METTL13: variants seen among roughly 807,000 people sequenced by gnomAD.
METTL13 encodes eEF1A lysine and N-terminal methyltransferase.
METTL13 carries 52 observed loss-of-function variants against 67.4 expected under a neutral mutation model. That is an observed-to-expected ratio of 0.77 (90% confidence interval 0.62 to 0.97). METTL13 has a LOEUF of 0.97. Among genes scored for constraint, METTL13 ranks in the 50% least tolerant of loss-of-function variants. The pLI, the probability that METTL13 is intolerant of heterozygous loss-of-function variation, is 0.00. For missense variants in METTL13, 825 were observed against 889.6 expected (o/e 0.93, Z 0.92); for synonymous variants, 354 against 353.6 (o/e 1.00, Z -0.01).
At chr1:171,792,680 T>C (rs12039185) in intron 6 of METTL13, among the ~76,000 whole-genome samples, 79,933 of 152,054 alleles carry the variant, frequency 0.53, 21,797 homozygotes, top group African/African-American at 0.67. Context: ...CCTCAGGGTC[T>C]GACATTTGGT....
rs987306698 is a variant in METTL13, at chr1:171,781,759, T to A, written c.-209T>A. 3 of 1,381,012 alleles carry A rather than the reference T, an allele frequency of 2.2e-6. No individual in the cohort carries two copies. Among genetic ancestry groups the A allele is most frequent in the Admixed American group, 3.1e-5 (1 of 32,460 alleles). 85.5% of individuals were successfully genotyped at this position (1,381,012 alleles called of 1,614,324 possible). A position where few individuals can be genotyped will look rare whatever the true frequency, so the allele number is the denominator to read the frequency against. On this transcript the variant is annotated 5_prime_UTR_variant, in exon 1 of 8. Transcript: ENST00000361735. Reference sequence around the variant, plus strand: ...GCAGGCGCGGAGGAGGGGGCAAGCGTGTGTGAGATTCAGTGGTCCATGCGT... The same window carrying A: ...GCAGGCGCGGAGGAGGGGGCAAGCGAGTGTGAGATTCAGTGGTCCATGCGT...
intron 6 of METTL13, among the ~76,000 whole-genome samples, chr1:171,792,995 G>A (rs927802464): frequency 6.6e-6 from 1 of 152,182 alleles, no homozygotes; most frequent in Non-Finnish European, 1.5e-5. Context: ...TAAAATACTA[G>A]GGACAGTAAC....
intron 4 of METTL13, 66 bp downstream of exon 4, chr1:171,787,996 C>G (rs1657082659): frequency 6.5e-7 from 1 of 1,540,034 alleles, no homozygotes; most frequent in African/African-American, 1.4e-5. Flanking sequence ...TTCTTGGGAG[C>G]TTGGCCGAGA....
At position 171,788,713 on chromosome 1, in the gene METTL13, G is replaced by A. The variant is rs148334214; in HGVS notation, c.1309+783G>A. ...TCACTTCAAAAGTCAAATATAGACCGCGAAAAGTGAATGCCCCTCACCTCT... is the reference window on the plus strand; with the variant it reads ...TCACTTCAAAAGTCAAATATAGACCACGAAAAGTGAATGCCCCTCACCTCT... On this transcript the variant is annotated intron_variant, in intron 4 of 7. Coordinates refer to ENST00000361735, the MANE Select transcript of METTL13 (RefSeq NM_015935.5). Among the ~76,000 whole-genome samples the A allele has an allele frequency of 6.3e-3, 956 of 152,294 alleles. 7 individuals carry two copies. The highest frequency in any genetic ancestry group is 0.018 in the African/African-American group (767 of 41,560).
chr1:171,796,691 C>A lies in METTL13; in HGVS notation c.2035C>A (p.Pro679Thr). ...AQALERTLRK[P>T]GRGWDDTYVL... ...GGCTTTGGAGCGGACCCTGAGGAAG[C>A]CTGGGAGGGGTTGGGATGACACGTA... Residue 679 changes from proline to threonine, a missense_variant, in exon 8 of 8, where the codon CCT (proline) becomes ACT (threonine). Pro to Thr is a conservative substitution (Grantham distance 38). Transcript: ENST00000361735. The A allele has an allele frequency of 6.2e-7, 1 of 1,614,188 alleles. No homozygotes were observed. The highest frequency in any genetic ancestry group is 8.5e-7 in the Non-Finnish European group (1 of 1,180,032).
At position 171,790,500 on chromosome 1, in the gene METTL13, C is replaced by T. The variant is rs752973393; in HGVS notation, c.1358C>T (p.Ala453Val). The T allele has an allele frequency of 6.8e-6, 11 of 1,610,690 alleles. No homozygotes were observed. Among genetic ancestry groups the T allele is most frequent in the East Asian group, 2.2e-5 (1 of 44,658 alleles). The stretch of plus-strand genomic sequence containing the variant: ...AGGAAGAAGCAGCGGCCTGCTGATG[C>T]GGAGGACCTCCCTGCAGCCCCGGGG... ...KDRKKQRPAD[A>V]EDLPAAPGQS... Residue 453 changes from alanine to valine, a missense_variant, in exon 5 of 8, where the codon GCG becomes GTG. Transcript: ENST00000361735.
At position 171,784,268 on chromosome 1, in the gene METTL13, C is replaced by T. The variant is rs766288742; in HGVS notation, c.682C>T (p.Gln228Ter). Residue 228 changes from glutamine (Q) to a stop codon, truncating the protein, a stop_gained, in exon 2 of 8, where the codon CAG (glutamine) becomes TAG (stop). Transcript: ENST00000361735. LOFTEE classifies it high-confidence loss of function. The part of the protein sequence containing the change: ...SALQIFELCA[Q>*]EQRKPVRLES... Reference sequence around the variant, plus strand: ...CCTTCAGATCTTTGAGCTGTGTGCTCAGGAGCAGCGCAAGCCTGTGCGGCT... The same window carrying T: ...CCTTCAGATCTTTGAGCTGTGTGCTTAGGAGCAGCGCAAGCCTGTGCGGCT... 5.6e-6 allele frequency: 9 copies of T among 1,613,870 alleles called. No individual in the cohort carries two copies. In the East Asian group the frequency reaches 8.9e-5, roughly 16 times the overall value.
intron 3 of METTL13, 107 bp from the exon 4 acceptor site, chr1:171,787,628 T>G (rs1194433028): frequency 8.8e-6 from 9 of 1,027,824 alleles, no homozygotes; most frequent in Non-Finnish European, 1.3e-5. Context: ...AGTTGTTGTC[T>G]AGAACCGTGG....
Position 171,785,926 on chromosome 1 carries a change from C to T in METTL13, c.961C>T (p.Arg321Trp), listed in dbSNP as rs1054416569. ...TEWLFGMDEG[R>W]KQLAASAGFR... ...GTGGCTCTTTGGCATGGATGAGGGC[C>T]GGAAACAGCTGGCGGCCAGTGCTGG... Residue 321 changes from arginine (R) to tryptophan (W), a missense_variant, in exon 3 of 8, where the codon CGG (arginine) becomes TGG (tryptophan). Transcript: ENST00000361735. 3.7e-6 allele frequency: 6 copies of T among 1,613,572 alleles called. No individual in the cohort carries two copies. Among genetic ancestry groups the T allele is most frequent in the South Asian group, 1.1e-5 (1 of 91,024 alleles).
rs1436380241 is a variant in METTL13 at position 171,786,016 on chromosome 1, C to T, written c.1051C>T (p.Gln351Ter). ...GQQYESMDHIQAELSARVMEL... is the reference protein window; with the variant it reads ...GQQYESMDHI Reference sequence around the variant, plus strand: ...GCAGTATGAAAGCATGGACCACATCCAAGCTGAGCTGTCGGCTAGAGTCAT... The same window carrying T: ...GCAGTATGAAAGCATGGACCACATCTAAGCTGAGCTGTCGGCTAGAGTCAT... Residue 351 changes from glutamine (Q) to a stop codon, truncating the protein, a stop_gained, in exon 3 of 8, where the codon CAA becomes TAA. Transcript: ENST00000361735. LOFTEE classifies it high-confidence loss of function. 2 of 1,613,980 alleles carry T rather than the reference C, an allele frequency of 1.2e-6. No homozygotes were observed. The highest frequency in any genetic ancestry group is 1.3e-5 in the African/African-American group (1 of 75,030).
At chr1:171,785,846 C>T in intron 2 of METTL13, 33 bp from the exon 3 acceptor site, 1 of 1,605,516 alleles carries the variant, frequency 6.2e-7, no homozygotes, top group Non-Finnish European at 8.5e-7. Flanking sequence ...GATCACTTTC[C>T]AGGACTCCCT....
intron 7 of METTL13, among the ~76,000 whole-genome samples, chr1:171,795,053 T>G (rs930044344): frequency 1.3e-5 from 2 of 152,146 alleles, no homozygotes; most frequent in African/African-American, 4.8e-5. Context: ...CTCAAACTCC[T>G]AGCCTCAAGC....
chr1:171,789,150 T>A (rs994546543), intron 4 of METTL13, among the ~76,000 whole-genome samples: 2 of 152,218 alleles, frequency 1.3e-5, no homozygotes, highest in African/African-American at 4.8e-5. Context: ...TTGGTAGCAC[T>A]TTGTTCTCAT....
intron 6 of METTL13, among the ~76,000 whole-genome samples, chr1:171,793,642 G>C (rs1279397711): frequency 6.6e-6 from 1 of 152,174 alleles, no homozygotes; most frequent in Admixed American, 6.5e-5. Context: ...CCTGTCAGTG[G>C]CATTGCAGAC....
rs1489401538 is a variant in METTL13 at position 171,796,757 on chromosome 1, CT to C, written c.*2del. On this transcript the variant is annotated 3_prime_UTR_variant, in exon 8 of 8. Coordinates refer to ENST00000361735, the MANE Select transcript of METTL13 (RefSeq NM_015935.5). ...GCTCAAGACGGTGAAAATTGTGTGA[CT>C]GCTTAGGCCAAGCAGCCCTCCTGCC... is the stretch of plus-strand genomic sequence containing the variant. 6 of 1,613,026 alleles carry C rather than the reference CT, an allele frequency of 3.7e-6. No individual in the cohort carries two copies. In the East Asian group the frequency reaches 1.1e-4, roughly 30 times the overall value.
chr1:171,791,075 T>C (rs1657190470), intron 5 of METTL13: 1 of 152,792 alleles, frequency 6.5e-6, no homozygotes, highest in Admixed American at 6.5e-5. Context: ...TTGTTCATGT[T>C]TTGTCTGTGA....
At chr1:171,791,940 C>A in intron 5 of METTL13, 77 bp from the exon 6 acceptor site, 1 of 1,492,368 alleles carries the variant, frequency 6.7e-7, no homozygotes, top group Non-Finnish European at 9.3e-7. Context: ...CTGACTTTCC[C>A]TTTTGCCTTC....
Position 171,792,098 on chromosome 1 carries a change from G to T in METTL13, c.1556G>T (p.Cys519Phe). 2 of 1,614,034 alleles carry T rather than the reference G, an allele frequency of 1.2e-6. No individual in the cohort carries two copies. Among genetic ancestry groups the T allele is most frequent in the Non-Finnish European group, 1.7e-6 (2 of 1,180,048 alleles). ...GTCCACGATCATTTTCCAAAGTCCT[G>T]CATTGATGCTGTGGAGATCGATCCC... ...LFVHDHFPKS[C>F]IDAVEIDPSM... Residue 519 changes from cysteine (C) to phenylalanine (F), a missense_variant, in exon 6 of 8, where the codon TGC becomes TTC. By Grantham distance (205) the Cys-to-Phe change is radical (BLOSUM62 -2). Transcript: ENST00000361735.
At position 171,786,082 on chromosome 1, in the gene METTL13, A is replaced by G. The variant is rs868130193; in HGVS notation, c.1113+4A>G. ...TGGGATGCCCACCCAGCAGCAGGTA[A>G]CAAAGCTTTCGTACGGCTTTCATGG... On this transcript the variant is annotated splice_donor_region_variant and intron_variant, in intron 3 of 7. Transcript: ENST00000361735. The G allele has an allele frequency of 6.2e-7, 1 of 1,611,312 alleles. No individual in the cohort carries two copies. Among genetic ancestry groups the G allele is most frequent in the Middle Eastern group, 1.8e-4 (1 of 5,516 alleles).
Sources: allele counts gnomAD v4.1 joint callset (sites outside exome capture counted in the v4.1 genomes callset), GRCh38; gene constraint gnomAD v4.1.1; transcripts MANE v1.5; gene names NCBI Gene and HGNC (gene_info 2026-07-23, HGNC 2026-07-21).